The following PDE4B variants were observed in gnomAD, a reference collection of about 807,000 sequenced individuals.
PDE4B encodes the protein 3',5'-cyclic-AMP phosphodiesterase 4B.
PDE4B carries 20 observed loss-of-function variants against 82.2 expected under a neutral mutation model. The observed-to-expected ratio is 0.24, with a 90% CI of 0.17 to 0.35. The LOEUF (loss-of-function observed/expected upper bound fraction) is 0.35, where lower values mean the gene tolerates loss of function less well. PDE4B is among the 10% of genes least tolerant of loss of function. The pLI, the probability that PDE4B is intolerant of heterozygous loss-of-function variation, is 1.00. For missense variants in PDE4B, 655 were observed against 907.2 expected (o/e 0.72, Z 3.57); for synonymous variants, 320 against 318.9 (o/e 1.00, Z -0.04).
intron 3 of PDE4B, among the ~76,000 whole-genome samples, chr1:65,993,398 T>G (rs1258767120): frequency 6.6e-6 from 1 of 152,198 alleles, no homozygotes; most frequent in Non-Finnish European, 1.5e-5. Flanking sequence ...TCAGAATACA[T>G]AGCTAATTCT....
At chr1:66,063,747 T>G (rs1398748241) in intron 3 of PDE4B, among the ~76,000 whole-genome samples, 1 of 151,990 alleles carries the variant, frequency 6.6e-6, no homozygotes, top group African/African-American at 2.4e-5. Context: ...AAATAGTTTC[T>G]TTTTTTCCTT....
chr1:66,038,367 A>G (rs532201889), intron 3 of PDE4B, among the ~76,000 whole-genome samples: 11 of 152,186 alleles, frequency 7.2e-5, no homozygotes, highest in Non-Finnish European at 1.3e-4. Flanking sequence ...ATAGAACCAC[A>G]TAGCAGGGGG....
At chr1:66,024,542 A>C (rs1653327642) in intron 3 of PDE4B, among the ~76,000 whole-genome samples, 1 of 152,190 alleles carries the variant, frequency 6.6e-6, no homozygotes, top group Admixed American at 6.6e-5. Flanking sequence ...TTTCCAAAGA[A>C]GCTACACCAA....
intron 3 of PDE4B, among the ~76,000 whole-genome samples, chr1:66,066,720 T>G (rs2100913058): frequency 6.6e-6 from 1 of 151,980 alleles, no homozygotes; most frequent in African/African-American, 2.4e-5. Flanking sequence ...TCATTCACCC[T>G]TCCCCACTAA....
intron 6 of PDE4B, among the ~76,000 whole-genome samples, chr1:66,265,384 A>G (rs1230972578): frequency 6.6e-6 from 1 of 152,202 alleles, no homozygotes; most frequent in Non-Finnish European, 1.5e-5. Context: ...AAGGAAAAGA[A>G]ACAAGAAAAA....
intron 3 of PDE4B, among the ~76,000 whole-genome samples, chr1:65,924,831 A>G (rs757749658): frequency 6.6e-6 from 1 of 152,246 alleles, no homozygotes; most frequent in Non-Finnish European, 1.5e-5. Flanking sequence ...TATTTATAAC[A>G]TGTCAGTTTG....
chr1:65,933,965 T>G (rs1249488310), intron 3 of PDE4B, among the ~76,000 whole-genome samples: 1 of 152,178 alleles, frequency 6.6e-6, no homozygotes, highest in Non-Finnish European at 1.5e-5. Flanking sequence ...ATCTATAACA[T>G]AGTGTGTGAT....
intron 1 of PDE4B, among the ~76,000 whole-genome samples, chr1:65,876,935 C>T (rs149024375): frequency 1.8e-3 from 267 of 152,224 alleles, no homozygotes; most frequent in African/African-American, 6.0e-3. Context: ...AGTCCATGCT[C>T]GTGGATAGGA....
intron 3 of PDE4B, among the ~76,000 whole-genome samples, chr1:65,939,736 T>A (rs1269961730): frequency 6.6e-6 from 1 of 152,054 alleles, no homozygotes; most frequent in African/African-American, 2.4e-5. Context: ...TAAGTACTAG[T>A]TGTAATTTAT....
At chr1:65,834,417 T>C (rs550183631) in intron 1 of PDE4B, among the ~76,000 whole-genome samples, 1 of 152,352 alleles carries the variant, frequency 6.6e-6, no homozygotes, top group South Asian at 2.1e-4. Context: ...TATGGGCCTC[T>C]TACACAGTAA....
chr1:66,319,081 T>C (rs912702350), intron 7 of PDE4B, among the ~76,000 whole-genome samples: 2 of 152,232 alleles, frequency 1.3e-5, no homozygotes, highest in Non-Finnish European at 2.9e-5. Flanking sequence ...TTTTCTGCTC[T>C]TTACAACACT....
At chr1:66,329,076 C>T (rs6667168) in intron 7 of PDE4B, among the ~76,000 whole-genome samples, 23,706 of 152,164 alleles carry the variant, frequency 0.16, 3,564 homozygotes, top group African/African-American at 0.39. Context: ...GTCAGTCTGG[C>T]GGCTATCAGG....
chr1:66,081,836 G>GTA (rs1656755672), intron 3 of PDE4B, among the ~76,000 whole-genome samples: 1 of 143,396 alleles, frequency 7.0e-6, no homozygotes, highest in Non-Finnish European at 1.5e-5. Context: ...CTCTCTCTGT[G>GTA]TGTGTGTGTG....
chr1:66,063,672 C>G (rs542777181), intron 3 of PDE4B, among the ~76,000 whole-genome samples: 1 of 152,004 alleles, frequency 6.6e-6, no homozygotes, highest in Admixed American at 6.6e-5. Flanking sequence ...TGTATCTTCT[C>G]TCAAGTCTTT....
chr1:66,235,172 C>A (rs181136737), intron 3 of PDE4B, among the ~76,000 whole-genome samples: 2 of 152,112 alleles, frequency 1.3e-5, no homozygotes, highest in African/African-American at 2.4e-5. Context: ...TAGACTAGAA[C>A]GTCAGCTATT....
intron 3 of PDE4B, among the ~76,000 whole-genome samples, chr1:65,970,476 CA>C (rs1185328441): frequency 6.6e-6 from 1 of 151,978 alleles, no homozygotes; most frequent in African/African-American, 2.4e-5. Flanking sequence ...TTCACTTAAC[CA>C]GCCAAAAGTG....
chr1:65,913,342 G>A lies in PDE4B; in HGVS notation c.28G>A (p.Val10Met), dbSNP rs749546811. The change falls in exon 2 of 17, where the codon GTG becomes ATG. Residue 10 changes from valine to methionine, a missense_variant. Physicochemically the swap from Val to Met is conservative, Grantham distance 21. Coordinates refer to ENST00000341517, the MANE Select transcript of PDE4B (RefSeq NM_002600.4). MKKSRSVMT[V>M]MADDNVKDYF... Reference sequence around the variant, plus strand: ...GAAGAAAAGCAGGAGTGTGATGACGGTGATGGCTGATGATGTAAGTTTCAA... The same window carrying A: ...GAAGAAAAGCAGGAGTGTGATGACGATGATGGCTGATGATGTAAGTTTCAA... 1 of 1,613,730 alleles carries A rather than the reference G, an allele frequency of 6.2e-7. No homozygotes were observed. The highest frequency in any genetic ancestry group is 8.5e-7 in the Non-Finnish European group (1 of 1,179,666).
chr1:65,944,553 A>G (rs1346776663), intron 3 of PDE4B, among the ~76,000 whole-genome samples: 2 of 152,002 alleles, frequency 1.3e-5, no homozygotes, highest in Non-Finnish European at 2.9e-5. Context: ...TGATAGTTGA[A>G]TGTTTTATAG....
At chr1:65,979,010 C>T (rs1650552639) in intron 3 of PDE4B, among the ~76,000 whole-genome samples, 1 of 152,160 alleles carries the variant, frequency 6.6e-6, no homozygotes, top group African/African-American at 2.4e-5. Context: ...TTTTTACTAT[C>T]ATCATCATCA....
Sources: gnomAD v4.1 joint callset for allele counts (sites outside exome capture counted in the v4.1 genomes callset) on GRCh38, gnomAD v4.1.1 for gene constraint, MANE v1.5 for transcripts, NCBI Gene and HGNC (gene_info 2026-07-23, HGNC 2026-07-21) for gene names.